CSGALNACT1: variants seen among roughly 807,000 people sequenced by gnomAD.
CSGALNACT1 encodes the protein beta4GalNAcT-1.
A neutral mutation model predicts 51.0 loss-of-function variants in CSGALNACT1; 52 were observed. That is an observed-to-expected ratio of 1.02 (90% confidence interval 0.82 to 1.29). The LOEUF (loss-of-function observed/expected upper bound fraction) is 1.29. CSGALNACT1 is among the 50% of genes most tolerant of loss of function. The pLI, the probability that CSGALNACT1 is intolerant of heterozygous loss-of-function variation, is 0.00. For missense variants in CSGALNACT1, 935 were observed against 679.2 expected, an observed-to-expected ratio of 1.38 and a Z score of -4.19; for synonymous variants, 341 against 254.4, an observed-to-expected ratio of 1.34 and a Z score of -3.24.
At chr8:19,637,403 T>C (rs946757512) in intron 1 of CSGALNACT1, among the ~76,000 whole-genome samples, 1 of 152,206 alleles carries the variant, frequency 6.6e-6, no homozygotes, top group Admixed American at 6.5e-5. Context: ...AAGATTTTTA[T>C]TTTACTGTTT....
At chr8:19,521,486 C>G (rs1293296484) in intron 3 of CSGALNACT1, among the ~76,000 whole-genome samples, 1 of 152,140 alleles carries the variant, frequency 6.6e-6, no homozygotes, top group Non-Finnish European at 1.5e-5. Flanking sequence ...AGTTTGAGAA[C>G]AGCCTGGCCA....
At chr8:19,713,691 C>G (rs2062640826) in intron 1 of CSGALNACT1, among the ~76,000 whole-genome samples, 1 of 152,156 alleles carries the variant, frequency 6.6e-6, no homozygotes, top group Admixed American at 6.5e-5. Flanking sequence ...CGACAAGAAG[C>G]TAGAAAGTGG....
At chr8:19,418,841 TA>T (rs1161188519) in intron 7 of CSGALNACT1, 91 bp from the exon 7 acceptor site, 2 of 851,842 alleles carry the variant, frequency 2.3e-6, no homozygotes, top group Non-Finnish European at 4.0e-6. Flanking sequence ...ACACCCCAGA[TA>T]TTTGCACCCA....
chr8:19,469,707 G>C lies in CSGALNACT1; in HGVS notation c.635-11065C>G, dbSNP rs751404635. ...GCCCTGAAGCCACCTCCTCAATGAG[G>C]CTTTACCTACTCTCAGTCTCTGAAG... is the stretch of plus-strand genomic sequence containing the variant. On this transcript the variant is annotated intron_variant, in intron 4 of 9. Coordinates refer to ENST00000454498, the Ensembl canonical transcript of CSGALNACT1. Among the ~76,000 whole-genome samples, 6 of 152,270 alleles carry C rather than the reference G, an allele frequency of 3.9e-5. No individual in the cohort carries two copies. In the South Asian group the frequency reaches 8.3e-4, roughly 21 times the overall value.
intron 1 of CSGALNACT1, among the ~76,000 whole-genome samples, chr8:19,734,382 A>G (rs1247833815): frequency 6.6e-6 from 1 of 152,234 alleles, no homozygotes; most frequent in Non-Finnish European, 1.5e-5. Context: ...CCAATGAATC[A>G]GATCATAAGG....
chr8:19,465,971 A>G (rs1182800392), intron 4 of CSGALNACT1, among the ~76,000 whole-genome samples: 1 of 152,366 alleles, frequency 6.6e-6, no homozygotes, highest in Middle Eastern at 3.4e-3. Flanking sequence ...TAAACAAGGT[A>G]AAGTCTGTAG....
chr8:19,503,856 CTGA>C (rs1021437260), intron 4 of CSGALNACT1, among the ~76,000 whole-genome samples: 11 of 151,092 alleles, frequency 7.3e-5, no homozygotes, highest in African/African-American at 2.2e-4. Context: ...GCACATAAAA[CTGA>C]TGATACACTA....
At chr8:19,451,132 T>G (rs1202592238) in intron 5 of CSGALNACT1, among the ~76,000 whole-genome samples, 1 of 152,168 alleles carries the variant, frequency 6.6e-6, no homozygotes, top group Non-Finnish European at 1.5e-5. Context: ...GTTCAATGCT[T>G]CTTAAATGAA....
chr8:19,490,489 C>T (rs1308557359), intron 4 of CSGALNACT1, among the ~76,000 whole-genome samples: 1 of 152,140 alleles, frequency 6.6e-6, no homozygotes, highest in Non-Finnish European at 1.5e-5. Flanking sequence ...CATAAGATGC[C>T]ACCAGGAAAG....
At chr8:19,535,195 T>C (rs2083499717) in intron 3 of CSGALNACT1, among the ~76,000 whole-genome samples, 1 of 151,938 alleles carries the variant, frequency 6.6e-6, no homozygotes, top group East Asian at 1.9e-4. Context: ...ATGACAACAT[T>C]TGAAAAAAAA....
chr8:19,627,726 C>A (rs10101761), intron 1 of CSGALNACT1, among the ~76,000 whole-genome samples: 27,266 of 152,044 alleles, frequency 0.18, 4,287 homozygotes, highest in African/African-American at 0.43. Flanking sequence ...GTTGGAGGCT[C>A]AGGTGGGAGG....
chr8:19,718,117 G>C (rs187339607), intron 1 of CSGALNACT1, among the ~76,000 whole-genome samples: 40 of 152,252 alleles, frequency 2.6e-4, no homozygotes, highest in African/African-American at 9.1e-4. Flanking sequence ...TTTTGAGACA[G>C]AGTCTCATGC....
At chr8:19,585,276 C>G (rs575051819) in intron 3 of CSGALNACT1, 3 of 152,318 alleles carry the variant, frequency 2.0e-5, no homozygotes, top group East Asian at 3.9e-4. Flanking sequence ...GAAGGAGCCG[C>G]TTGCTGGTTG....
At chr8:19,659,413 C>T (rs2154189434) in intron 1 of CSGALNACT1, among the ~76,000 whole-genome samples, 1 of 152,318 alleles carries the variant, frequency 6.6e-6, no homozygotes, top group East Asian at 1.9e-4. Flanking sequence ...CAACCCAAGA[C>T]ATGAATTCTC....
chr8:19,455,087 T>G (rs1342973082), intron 5 of CSGALNACT1, among the ~76,000 whole-genome samples: 2 of 152,220 alleles, frequency 1.3e-5, no homozygotes, highest in Admixed American at 1.3e-4. Flanking sequence ...GTTCAACTCA[T>G]GTTAATAAGG....
At chr8:19,423,943 C>T (rs1026165621) in intron 6 of CSGALNACT1, among the ~76,000 whole-genome samples, 1 of 152,180 alleles carries the variant, frequency 6.6e-6, no homozygotes, top group Non-Finnish European at 1.5e-5. Flanking sequence ...TCCATGTGGA[C>T]CATATGGGGG....
chr8:19,574,713 T>C (rs1031367308), intron 3 of CSGALNACT1, among the ~76,000 whole-genome samples: 22 of 152,184 alleles, frequency 1.4e-4, no homozygotes, highest in African/African-American at 5.1e-4. Context: ...TGGGATAAGA[T>C]GGCAGACTGT....
At chr8:19,589,255 A>G (rs1408073907) in intron 3 of CSGALNACT1, among the ~76,000 whole-genome samples, 1 of 152,212 alleles carries the variant, frequency 6.6e-6, no homozygotes, top group Non-Finnish European at 1.5e-5. Flanking sequence ...TAGGTAAAGC[A>G]GGCAGCTTCT....
chr8:19,653,297 A>G (rs530106220), intron 1 of CSGALNACT1, among the ~76,000 whole-genome samples: 2 of 152,144 alleles, frequency 1.3e-5, no homozygotes, highest in Admixed American at 6.5e-5. Flanking sequence ...CGCTGTTGAC[A>G]TCGCTGAGTA....
Sources: gnomAD v4.1 joint callset for allele counts (sites outside exome capture counted in the v4.1 genomes callset) on GRCh38, gnomAD v4.1.1 for gene constraint, MANE v1.5 for transcripts, NCBI Gene and HGNC (gene_info 2026-07-23, HGNC 2026-07-21) for gene names.